The following TMEM132D variants were observed in gnomAD, a reference collection of about 807,000 sequenced individuals.
The protein encoded by TMEM132D is transmembrane protein 132D, also known as mature OL transmembrane protein.
Under a neutral mutation model 62.3 loss-of-function variants are expected in TMEM132D, and 21 were observed. The ratio of observed to expected loss-of-function variants is 0.34; its 90% confidence interval spans 0.24 to 0.49. The LOEUF is 0.49. Ranked by LOEUF, TMEM132D falls within the 20% of genes least tolerant of loss-of-function variation. TMEM132D has a pLI of 0.99. For missense variants in TMEM132D, 1,346 were observed against 1,402.8 expected, an observed-to-expected ratio of 0.96 and a Z score of 0.65; for synonymous variants, 621 against 575.6, an observed-to-expected ratio of 1.08 and a Z score of -1.13.
intron 3 of TMEM132D, among the ~76,000 whole-genome samples, chr12:129,388,768 A>C (rs1403688916): frequency 7.9e-6 from 1 of 126,002 alleles, no homozygotes; most frequent in Non-Finnish European, 1.8e-5. Flanking sequence ...ACTAACACCA[A>C]CACCAATCCA....
chr12:129,766,213 C>G (rs1310543666), intron 1 of TMEM132D, among the ~76,000 whole-genome samples: 2 of 149,746 alleles, frequency 1.3e-5, no homozygotes, highest in African/African-American at 4.9e-5. Flanking sequence ...GAAGCATGAG[C>G]CAAAATTAAG....
At chr12:129,629,527 G>A (rs1879303237) in intron 2 of TMEM132D, among the ~76,000 whole-genome samples, 1 of 152,084 alleles carries the variant, frequency 6.6e-6, no homozygotes, top group African/African-American at 2.4e-5. Flanking sequence ...TCCCATCTCG[G>A]TTTAACTCTG....
At chr12:129,552,202 A>G (rs1430921520) in intron 2 of TMEM132D, among the ~76,000 whole-genome samples, 1 of 152,216 alleles carries the variant, frequency 6.6e-6, no homozygotes, top group Non-Finnish European at 1.5e-5. Flanking sequence ...TAGATCAGCA[A>G]TTGAAGGATT....
At chr12:129,495,827 A>G (rs1294411427) in intron 3 of TMEM132D, among the ~76,000 whole-genome samples, 1 of 152,122 alleles carries the variant, frequency 6.6e-6, no homozygotes, top group African/African-American at 2.4e-5. Flanking sequence ...AGGTTCCTGG[A>G]GGGGAGGGCT....
At chr12:129,101,829 C>T (rs1436988654) in intron 5 of TMEM132D, among the ~76,000 whole-genome samples, 4 of 152,212 alleles carry the variant, frequency 2.6e-5, no homozygotes, top group East Asian at 1.9e-4. Flanking sequence ...TGACAGCAAC[C>T]GAGGTCCTTT....
chr12:129,076,790 T>C (rs535882403), intron 8 of TMEM132D, among the ~76,000 whole-genome samples: 1 of 152,330 alleles, frequency 6.6e-6, no homozygotes, highest in Admixed American at 6.5e-5. Context: ...GGGTAGCGTG[T>C]TTAGCTCTGC....
intron 4 of TMEM132D, among the ~76,000 whole-genome samples, chr12:129,224,904 C>G (rs1879440932): frequency 6.6e-6 from 1 of 152,150 alleles, no homozygotes; most frequent in South Asian, 2.1e-4. Context: ...AGGCCCAACT[C>G]AAATGCTACA....
At chr12:129,278,573 C>T (rs1881059390) in intron 4 of TMEM132D, among the ~76,000 whole-genome samples, 1 of 152,136 alleles carries the variant, frequency 6.6e-6, no homozygotes. Flanking sequence ...GCCAAGAAGC[C>T]ATTTGACTGT....
chr12:129,404,734 C>T (rs1490443226), intron 3 of TMEM132D, among the ~76,000 whole-genome samples: 1 of 151,804 alleles, frequency 6.6e-6, no homozygotes, highest in Non-Finnish European at 1.5e-5. Context: ...CTGTGAGATA[C>T]CTGAGCAAAA....
chr12:129,101,999 T>TTC (rs773790270), intron 5 of TMEM132D, among the ~76,000 whole-genome samples: 1 of 128,270 alleles, frequency 7.8e-6, no homozygotes, highest in Non-Finnish European at 1.7e-5. Flanking sequence ...TTTTTTTTTT[T>TTC]CTCTCTCTCT....
chr12:129,901,411 G>A (rs940729800), intron 1 of TMEM132D, among the ~76,000 whole-genome samples: 55 of 152,148 alleles, frequency 3.6e-4, no homozygotes, highest in African/African-American at 1.0e-3. Context: ...TTGACATATT[G>A]TGACTAATCC....
rs1221831962 is a variant in TMEM132D at position 129,779,611 on chromosome 12, T to C, written c.80-78913A>G. ...GTTTTTGTTATTGTTTTGGGTTTTT[T>C]TGTTTGTTTCTTTTGTTTCTTGAAA... is the stretch of plus-strand genomic sequence containing the variant. On this transcript the variant is annotated intron_variant, in intron 1 of 8. Transcript: ENST00000422113. This position sits in a 1 kb window ranked among gnomAD's most constrained non-coding sequence, Gnocchi z 4.1. Among the ~76,000 whole-genome samples the C allele has an allele frequency of 1.3e-5, 2 of 152,154 alleles. No homozygotes were observed. The highest frequency in any genetic ancestry group is 2.9e-5 in the Non-Finnish European group (2 of 68,030).
chr12:129,332,936 C>T (rs1335141438), intron 4 of TMEM132D, among the ~76,000 whole-genome samples: 1 of 152,138 alleles, frequency 6.6e-6, no homozygotes, highest in Non-Finnish European at 1.5e-5. Flanking sequence ...TCCAGAGAGC[C>T]ATTGCCCAAC....
intron 3 of TMEM132D, among the ~76,000 whole-genome samples, chr12:129,452,593 T>C (rs368852299): frequency 2.6e-4 from 40 of 152,326 alleles, no homozygotes; most frequent in African/African-American, 8.4e-4. Flanking sequence ...TATCCTAATG[T>C]AAACATCCTG....
chr12:129,803,452 C>T (rs1871866420), intron 1 of TMEM132D, among the ~76,000 whole-genome samples: 1 of 151,984 alleles, frequency 6.6e-6, no homozygotes, highest in Non-Finnish European at 1.5e-5. Context: ...GGGTACATAA[C>T]GAAATAAAGG....
chr12:129,231,348 T>C (rs1185836008), intron 4 of TMEM132D, among the ~76,000 whole-genome samples: 3 of 152,208 alleles, frequency 2.0e-5, no homozygotes, highest in African/African-American at 4.8e-5. Flanking sequence ...TTAATCCACG[T>C]TGGAAGCAAA....
At chr12:129,533,794 A>T (rs1876298622) in intron 2 of TMEM132D, among the ~76,000 whole-genome samples, 1 of 145,014 alleles carries the variant, frequency 6.9e-6, no homozygotes, top group Admixed American at 7.1e-5. Flanking sequence ...GGACACTGGG[A>T]ACTGTCTTTC....
chr12:129,660,909 T>G (rs1880222257), intron 2 of TMEM132D, among the ~76,000 whole-genome samples: 1 of 151,982 alleles, frequency 6.6e-6, no homozygotes, highest in Admixed American at 6.6e-5. Context: ...CCAACAGGAG[T>G]GAGGCAGAAG....
At chr12:129,671,530 A>G (rs554237667) in intron 2 of TMEM132D, among the ~76,000 whole-genome samples, 2 of 152,312 alleles carry the variant, frequency 1.3e-5, no homozygotes, top group South Asian at 2.1e-4. Context: ...GCCACAGGAA[A>G]TGTAAGAATA....
Sources: gnomAD v4.1 joint callset for allele counts (sites outside exome capture counted in the v4.1 genomes callset) on GRCh38, gnomAD v4.1.1 for gene constraint, Gnocchi (gnomAD v3.1) non-coding constraint, MANE v1.5 for transcripts, NCBI Gene and HGNC (gene_info 2026-07-23, HGNC 2026-07-21) for gene names.